The following AGBL1 variants were observed in gnomAD, a reference collection of about 807,000 sequenced individuals.
AGBL1 encodes cytosolic carboxypeptidase 4.
AGBL1 carries 130 observed loss-of-function variants against 118.9 expected under a neutral mutation model. The ratio of observed to expected loss-of-function variants is 1.09; its 90% CI spans 0.95 to 1.26. The LOEUF is 1.26. Among genes scored for constraint, AGBL1 ranks in the 50% most tolerant of loss-of-function variants. The pLI, the probability that AGBL1 is intolerant of heterozygous loss-of-function variation, is 0.00. For synonymous variants in AGBL1, 555 were observed against 478.9 expected (o/e 1.16, Z -2.08); for missense variants, 1,584 against 1,298.1 (o/e 1.22, Z -3.38).
intron 24 of AGBL1, among the ~76,000 whole-genome samples, chr15:87,022,361 G>T (rs2081674288): frequency 6.6e-6 from 1 of 152,048 alleles, no homozygotes; most frequent in Non-Finnish European, 1.5e-5. Context: ...TAGTTATTAA[G>T]CTAATCAGAG....
chr15:87,005,625 A>C (rs2081490932), intron 24 of AGBL1, among the ~76,000 whole-genome samples: 1 of 152,084 alleles, frequency 6.6e-6, no homozygotes. Flanking sequence ...CTTCTTTGCC[A>C]TGGGTTCGAA....
chr15:86,109,763 C>T (rs767529598), intron 1 of AGBL1: 10 of 152,204 alleles, frequency 6.6e-5, no homozygotes, highest in Non-Finnish European at 1.3e-4. Context: ...GTTTCTCCTC[C>T]ATGACTCACA....
chr15:86,082,728 T>C (rs1318532039), intron 1 of AGBL1, among the ~76,000 whole-genome samples: 2 of 152,238 alleles, frequency 1.3e-5, no homozygotes, highest in East Asian at 1.9e-4. Context: ...ACAGCTTCTT[T>C]ATCTCTGTCC....
At chr15:86,083,869 G>A (rs1895457754) in intron 1 of AGBL1, 1 of 152,148 alleles carries the variant, frequency 6.6e-6, no homozygotes, top group African/African-American at 2.4e-5. Flanking sequence ...GTATCCATAG[G>A]GTCAGGTGGA....
chr15:86,425,554 A>G (rs1207384034), intron 18 of AGBL1, among the ~76,000 whole-genome samples: 1 of 152,152 alleles, frequency 6.6e-6, no homozygotes, highest in Non-Finnish European at 1.5e-5. Context: ...AAACCCAGCA[A>G]AATTCCAGAC....
chr15:86,480,399 A>C (rs1483954746), intron 18 of AGBL1, among the ~76,000 whole-genome samples: 3 of 152,064 alleles, frequency 2.0e-5, no homozygotes, highest in Non-Finnish European at 4.4e-5. Context: ...TTTTCTCTTA[A>C]ATGCTTATGT....
At chr15:86,629,435 G>A (rs2142431578) in intron 21 of AGBL1, among the ~76,000 whole-genome samples, 1 of 152,254 alleles carries the variant, frequency 6.6e-6, no homozygotes, top group Admixed American at 6.5e-5. Flanking sequence ...CAGTTTGTCT[G>A]TGTGAACAGG....
At chr15:86,597,842 G>A (rs2084433554) in intron 21 of AGBL1, among the ~76,000 whole-genome samples, 1 of 143,428 alleles carries the variant, frequency 7.0e-6, no homozygotes, top group Non-Finnish European at 1.5e-5. Flanking sequence ...TGGATAGATA[G>A]AAGTGGGGCA....
At chr15:86,718,963 G>A (rs973032041) in intron 22 of AGBL1, among the ~76,000 whole-genome samples, 1 of 151,914 alleles carries the variant, frequency 6.6e-6, no homozygotes, top group Non-Finnish European at 1.5e-5. Flanking sequence ...AAAAGTTTTG[G>A]CTTCTGGTCT....
intron 6 of AGBL1, 118 bp from the exon 7 acceptor site, chr15:86,247,553 A>G (rs1024574135): frequency 1.2e-5 from 14 of 1,129,980 alleles, no homozygotes; most frequent in Non-Finnish European, 1.7e-5. Flanking sequence ...TTCATACTAA[A>G]ATGTTATTAT....
At chr15:86,524,257 G>C (rs138460731) in intron 19 of AGBL1, among the ~76,000 whole-genome samples, 1 of 152,190 alleles carries the variant, frequency 6.6e-6, no homozygotes, top group Non-Finnish European at 1.5e-5. Context: ...TGTTGAAAGC[G>C]TGTGTTGGGG....
At chr15:86,469,977 C>T (rs2082458512) in intron 18 of AGBL1, among the ~76,000 whole-genome samples, 1 of 152,000 alleles carries the variant, frequency 6.6e-6, no homozygotes, top group Non-Finnish European at 1.5e-5. Context: ...GATGTTAGCC[C>T]CTTACAGATG....
At chr15:86,734,029 C>T (rs902283338) in intron 22 of AGBL1, among the ~76,000 whole-genome samples, 6 of 152,106 alleles carry the variant, frequency 3.9e-5, no homozygotes, top group African/African-American at 1.4e-4. Flanking sequence ...CCTCTGATAC[C>T]CTCATGAGAA....
intron 24 of AGBL1, among the ~76,000 whole-genome samples, chr15:86,995,745 T>C (rs2081373719): frequency 6.6e-6 from 1 of 152,222 alleles, no homozygotes; most frequent in South Asian, 2.1e-4. Context: ...CTCCTGAATT[T>C]GAATTTTCTG....
At chr15:86,759,276 G>T (rs998761089) in intron 22 of AGBL1, among the ~76,000 whole-genome samples, 2 of 152,198 alleles carry the variant, frequency 1.3e-5, no homozygotes, top group African/African-American at 4.8e-5. Flanking sequence ...GTAGTATAGT[G>T]GTTATAAGTC....
chr15:86,804,988 T>G (rs2078697406), intron 22 of AGBL1, among the ~76,000 whole-genome samples: 1 of 151,570 alleles, frequency 6.6e-6, no homozygotes, highest in African/African-American at 2.4e-5. Flanking sequence ...CATCGGGGAG[T>G]GAGCAGGGTC....
chr15:86,723,796 G>A (rs1360579033), intron 22 of AGBL1, among the ~76,000 whole-genome samples: 1 of 152,122 alleles, frequency 6.6e-6, no homozygotes, highest in East Asian at 1.9e-4. Context: ...AAGGAAGTGA[G>A]TATGTGAAAG....
chr15:86,650,028 A>G (rs1042378815), intron 21 of AGBL1, among the ~76,000 whole-genome samples: 4 of 152,346 alleles, frequency 2.6e-5, no homozygotes, highest in Middle Eastern at 3.4e-3. Context: ...CTTTAAAAGT[A>G]TCATTCAGCA....
intron 18 of AGBL1, among the ~76,000 whole-genome samples, chr15:86,404,986 A>G (rs1400725765): frequency 1.3e-5 from 2 of 152,104 alleles, no homozygotes; most frequent in Non-Finnish European, 1.5e-5. Context: ...TGAGCTTTAA[A>G]TTGGGAATAC....
Sources: gnomAD v4.1 joint callset for allele counts (sites outside exome capture counted in the v4.1 genomes callset) on GRCh38, gnomAD v4.1.1 for gene constraint, MANE v1.5 for transcripts, NCBI Gene and HGNC (gene_info 2026-07-23, HGNC 2026-07-21) for gene names.